RSRC1: variants seen among roughly 807,000 people sequenced by gnomAD.
RSRC1 encodes arginine and serine rich coiled-coil 1.
In RSRC1, 39 loss-of-function variants were observed where a neutral mutation model predicts 49.1. The ratio of observed to expected loss-of-function variants is 0.79; its 90% CI spans 0.61 to 1.04. The LOEUF (loss-of-function observed/expected upper bound fraction) is 1.04, where lower values mean the gene tolerates loss of function less well. Among genes scored for constraint, RSRC1 ranks in the 50% least tolerant of loss-of-function variants. RSRC1 has a pLI of 0.00. For missense variants in RSRC1, 388 were observed against 402.4 expected (o/e 0.96, Z 0.31); for synonymous variants, 143 against 130.8 (o/e 1.09, Z -0.63).
In RSRC1 at chr3:158,544,182, G is replaced by A. The variant is rs761101381; in HGVS notation, c.913-1G>A. 6.9e-6 allele frequency: 11 copies of A among 1,603,680 alleles called. No individual in the cohort carries two copies. Among genetic ancestry groups the A allele is most frequent in the Non-Finnish European group, 8.5e-6 (10 of 1,173,582 alleles). Reference sequence around the variant, plus strand: ...TTTTTCTTTTTCTTTTCTTATTTCAGTTATTTATCGAGAAAGCTGATGCTG... The same window carrying A: ...TTTTTCTTTTTCTTTTCTTATTTCAATTATTTATCGAGAAAGCTGATGCTG... On this transcript the variant is annotated splice_acceptor_variant, in intron 9 of 9. Transcript: ENST00000611884. LOFTEE classifies it high-confidence loss of function.
intron 4 of RSRC1, among the ~76,000 whole-genome samples, chr3:158,269,814 T>TGTTCTGTTC (rs1229725066): frequency 6.6e-6 from 1 of 152,172 alleles, no homozygotes; most frequent in Non-Finnish European, 1.5e-5. Context: ...AACAGATTTC[T>TGTTCTGTTC]TATTTTACCT....
At chr3:158,459,466 T>C (rs1382764403) in intron 6 of RSRC1, among the ~76,000 whole-genome samples, 2 of 152,116 alleles carry the variant, frequency 1.3e-5, no homozygotes, top group Non-Finnish European at 2.9e-5. Context: ...CTAATACATA[T>C]TGAAGATGGT....
chr3:158,323,501 G>A (rs554758225), intron 5 of RSRC1, among the ~76,000 whole-genome samples: 2 of 152,252 alleles, frequency 1.3e-5, no homozygotes, highest in African/African-American at 2.4e-5. Flanking sequence ...AGTCACAAGT[G>A]TGTGAAGAGT....
At chr3:158,118,462 T>TGTGTGTGTGTGTGTGCGCGCGCGCGC (rs1491469875) in intron 1 of RSRC1, among the ~76,000 whole-genome samples, 1 of 124,682 alleles carries the variant, frequency 8.0e-6, no homozygotes, top group Admixed American at 7.9e-5. Flanking sequence ...TGTGTGTGTG[T>TGTGTGTGTGTGTGTGCGCGCGCGCGC]GCGCGTGCGC....
rs73170328 is a variant in RSRC1 at position 158,357,263 on chromosome 3, G to T, written c.583+2355G>T. ...AGAAATGAGTTTATGAGGTCAGAGG[G>T]TATTAACATTTCAGGTTGGTCCAAA... On this transcript the variant is annotated intron_variant, in intron 6 of 9. Transcript: ENST00000611884. Among the ~76,000 whole-genome samples the T allele has an allele frequency of 2.8e-3, 431 of 152,244 alleles. 1 individual carries two copies. Among genetic ancestry groups the T allele is most frequent in the Non-Finnish European group, 4.5e-3 (306 of 67,976 alleles).
intron 6 of RSRC1, among the ~76,000 whole-genome samples, chr3:158,382,448 A>G (rs1414235188): frequency 6.6e-6 from 1 of 152,238 alleles, no homozygotes; most frequent in Non-Finnish European, 1.5e-5. Flanking sequence ...TTACACCAAT[A>G]TCACCACAAA....
At chr3:158,517,698 T>A (rs1740648675) in intron 7 of RSRC1, among the ~76,000 whole-genome samples, 3 of 148,732 alleles carry the variant, frequency 2.0e-5, no homozygotes. Flanking sequence ...ACACAAGTGA[T>A]CCACCTCAAC....
chr3:158,125,791 G>A (rs535115964), intron 3 of RSRC1, among the ~76,000 whole-genome samples: 1 of 152,056 alleles, frequency 6.6e-6, no homozygotes, highest in African/African-American at 2.4e-5. Context: ...GTCCATTATT[G>A]AAAGTGGATT....
At chr3:158,409,955 G>A (rs1376898823) in intron 6 of RSRC1, among the ~76,000 whole-genome samples, 1 of 151,346 alleles carries the variant, frequency 6.6e-6, no homozygotes, top group African/African-American at 2.4e-5. Context: ...TGATTTATCT[G>A]TTCAATTGTC....
intron 4 of RSRC1, among the ~76,000 whole-genome samples, chr3:158,251,844 A>G (rs778400292): frequency 2.6e-5 from 4 of 152,148 alleles, no homozygotes; most frequent in East Asian, 3.9e-4. Context: ...TAAGACTTCT[A>G]TAATTCTGTT....
chr3:158,374,722 A>C (rs975879339), intron 6 of RSRC1, among the ~76,000 whole-genome samples: 12 of 151,858 alleles, frequency 7.9e-5, no homozygotes, highest in Admixed American at 4.6e-4. Flanking sequence ...TAAGTATGCC[A>C]ATGATGTATT....
At chr3:158,334,019 A>G (rs1218053126) in intron 5 of RSRC1, among the ~76,000 whole-genome samples, 1 of 152,356 alleles carries the variant, frequency 6.6e-6, no homozygotes, top group East Asian at 1.9e-4. Flanking sequence ...AAAGACATTT[A>G]TATAATTGTT....
chr3:158,339,469 A>G (rs1578359721), intron 5 of RSRC1, among the ~76,000 whole-genome samples: 1 of 152,244 alleles, frequency 6.6e-6, no homozygotes, highest in Admixed American at 6.5e-5. Context: ...TGTATTACCA[A>G]ATAGTTTGGT....
At chr3:158,226,305 A>T (rs966313167) in intron 4 of RSRC1, among the ~76,000 whole-genome samples, 7 of 151,892 alleles carry the variant, frequency 4.6e-5, no homozygotes, top group African/African-American at 1.7e-4. Flanking sequence ...TCCTCTAACA[A>T]CCTCTATTAG....
intron 2 of RSRC1, among the ~76,000 whole-genome samples, chr3:158,123,638 A>G (rs1715432482): frequency 6.6e-6 from 1 of 152,166 alleles, no homozygotes; most frequent in African/African-American, 2.4e-5. Flanking sequence ...TGATATTTGG[A>G]AAGATTCTAA....
intron 6 of RSRC1, among the ~76,000 whole-genome samples, chr3:158,446,916 G>A (rs980708958): frequency 2.6e-5 from 4 of 151,940 alleles, no homozygotes; most frequent in African/African-American, 9.7e-5. Flanking sequence ...AAAACTCAAA[G>A]ATTGCTCCAA....
chr3:158,530,569 G>GTAT (rs1712325540), intron 7 of RSRC1, among the ~76,000 whole-genome samples: 1 of 151,764 alleles, frequency 6.6e-6, no homozygotes, highest in African/African-American at 2.4e-5. Context: ...ACAATGCCTG[G>GTAT]TACATTGAAT....
intron 5 of RSRC1, among the ~76,000 whole-genome samples, chr3:158,343,676 A>G (rs374660059): frequency 2.6e-5 from 4 of 152,334 alleles, no homozygotes. Flanking sequence ...TACAGCTGAA[A>G]TGAAAAATAC....
intron 4 of RSRC1, among the ~76,000 whole-genome samples, chr3:158,204,956 A>G (rs2108281535): frequency 1.3e-5 from 2 of 152,320 alleles, no homozygotes; most frequent in African/African-American, 4.8e-5. Context: ...AAGGGTTCTC[A>G]TATGGTAACA....
Sources: allele counts gnomAD v4.1 joint callset (sites outside exome capture counted in the v4.1 genomes callset), GRCh38; gene constraint gnomAD v4.1.1; transcripts MANE v1.5; gene names NCBI Gene and HGNC (gene_info 2026-07-23, HGNC 2026-07-21).